The following IL31RA variants were observed in gnomAD, a reference collection of about 807,000 sequenced individuals.
IL31RA encodes interleukin-31 receptor subunit alpha.
Under a neutral mutation model 83.7 loss-of-function variants are expected in IL31RA, and 66 were observed. The ratio of observed to expected loss-of-function variants is 0.79; its 90% confidence interval spans 0.65 to 0.97. The LOEUF (loss-of-function observed/expected upper bound fraction) is 0.97, where lower values mean the gene tolerates loss of function less well. Ranked by LOEUF, IL31RA falls within the 50% of genes least tolerant of loss-of-function variation. IL31RA has a pLI of 0.00. For synonymous variants in IL31RA, 325 were observed against 329.0 expected (o/e 0.99, Z 0.13); for missense variants, 798 against 919.4 (o/e 0.87, Z 1.71).
At chr5:55,902,023 AG>A (rs1748851646) in intron 8 of IL31RA, among the ~76,000 whole-genome samples, 1 of 152,214 alleles carries the variant, frequency 6.6e-6, no homozygotes, top group African/African-American at 2.4e-5. Context: ...AAATTCACTT[AG>A]GTTTTTTTTG....
At chr5:55,860,707 T>C (rs1399115023) in intron 2 of IL31RA, among the ~76,000 whole-genome samples, 2 of 152,226 alleles carry the variant, frequency 1.3e-5, no homozygotes, top group Non-Finnish European at 2.9e-5. Context: ...GATCCATTTG[T>C]TTGATTATAT....
rs745404194 is a variant in IL31RA at position 55,907,460 on chromosome 5, G to A, written c.1354G>A (p.Val452Ile). Reference protein sequence around the residue: ...YSIQAYAKEGVPSEGPETKVE... With the variant: ...YSIQAYAKEGIPSEGPETKVE... ...CATCCAGGCTTATGCCAAAGAAGGC[G>A]GTATGAATGGACAAGACCCTGTGGG... Residue 452 changes from valine to isoleucine, a missense_variant and splice_region_variant, in exon 10 of 15, where the codon GTT (valine) becomes ATT (isoleucine). Physicochemically the swap from Val to Ile is conservative, Grantham distance 29 (BLOSUM62 3). Transcript: ENST00000652347. The A allele has an allele frequency of 2.8e-5, 44 of 1,594,102 alleles. No individual in the cohort carries two copies. Among genetic ancestry groups the A allele is most frequent in the Middle Eastern group, 1.7e-4 (1 of 6,046 alleles).
chr5:55,863,971 AG>A (rs1420115628), intron 2 of IL31RA, among the ~76,000 whole-genome samples: 5 of 152,178 alleles, frequency 3.3e-5, no homozygotes, highest in Non-Finnish European at 7.3e-5. Context: ...TAGATCCACA[AG>A]GATCTATTCC....
At position 55,916,857 on chromosome 5, in the gene IL31RA, C is replaced by G. The variant is rs367580370; in HGVS notation, c.2032C>G (p.Pro678Ala). The G allele has an allele frequency of 2.5e-6, 4 of 1,614,002 alleles. No individual in the cohort carries two copies. The highest frequency in any genetic ancestry group is 1.3e-5 in the African/African-American group (1 of 74,894). Residue 678 changes from proline (P) to alanine (A), a missense_variant, in exon 15 of 15, where the codon CCT (proline) becomes GCT (alanine). Pro to Ala is a conservative substitution (Grantham distance 27, BLOSUM62 -1). Coordinates refer to ENST00000652347, the MANE Select transcript of IL31RA (RefSeq NM_139017.7). Reference sequence around the variant, plus strand: ...TGGGTATGTGACCTGCCCCTTCAGGCCTGATTGTCCCCTGGGGAAAAGTTT... The same window carrying G: ...TGGGTATGTGACCTGCCCCTTCAGGGCTGATTGTCCCCTGGGGAAAAGTTT... ...KNGYVTCPFR[P>A]DCPLGKSFEE...
At chr5:55,865,160 G>A (rs374369479) in intron 2 of IL31RA, among the ~76,000 whole-genome samples, 1 of 152,342 alleles carries the variant, frequency 6.6e-6, no homozygotes, top group East Asian at 1.9e-4. Flanking sequence ...TGTGTTAATG[G>A]TGTAGCTTTC....
intron 6 of IL31RA, among the ~76,000 whole-genome samples, chr5:55,895,071 C>T (rs1748247708): frequency 1.3e-5 from 2 of 152,212 alleles, no homozygotes; most frequent in Non-Finnish European, 2.9e-5. Context: ...TCCCTGAAGA[C>T]AATCTCTTAC....
chr5:55,844,429 A>G, the IL31RA span, among the ~76,000 whole-genome samples: 4 of 152,210 alleles, frequency 2.6e-5, no homozygotes, highest in Non-Finnish European at 5.9e-5. Context: ...TGAAGGTAAA[A>G]GAAACACTTC....
At chr5:55,858,352 G>C (rs567100476) in intron 1 of IL31RA, among the ~76,000 whole-genome samples, 1 of 152,262 alleles carries the variant, frequency 6.6e-6, no homozygotes, top group Admixed American at 6.5e-5. Flanking sequence ...AGAAGATTAA[G>C]ACAACATTCT....
At position 55,918,966 on chromosome 5, in the gene IL31RA, C is replaced by T. The variant is rs989163036; in HGVS notation, c.*1846C>T. On this transcript the variant is annotated 3_prime_UTR_variant, in exon 15 of 15. Transcript: ENST00000652347. ...AGTCCAGGTGTAGGAAGGGACCAAA[C>T]AAAAGAGATGCGTCCAATTCTCATG... Among the ~76,000 whole-genome samples the T allele has an allele frequency of 1.3e-5, 2 of 152,172 alleles. No individual in the cohort carries two copies. The highest frequency in any genetic ancestry group is 2.4e-5 in the African/African-American group (1 of 41,460).
rs1013196531 is a variant in IL31RA, at chr5:55,920,522, C to T, written c.*3402C>T. ...CAGCCATGCCCATCGTTGACCTATT[C>T]CCTATGGCGGCTTGCCCCTACAAAG... On this transcript the variant is annotated 3_prime_UTR_variant, in exon 15 of 15. Transcript: ENST00000652347. Among the ~76,000 whole-genome samples, 6 of 152,252 alleles carry T rather than the reference C, an allele frequency of 3.9e-5. No homozygotes were observed. Among genetic ancestry groups the T allele is most frequent in the Non-Finnish European group, 7.3e-5 (5 of 68,046 alleles).
intron 8 of IL31RA, among the ~76,000 whole-genome samples, chr5:55,905,896 A>G (rs1240324117): frequency 2.1e-4 from 32 of 151,840 alleles, no homozygotes; most frequent in Non-Finnish European, 1.2e-4. Context: ...TAGGTAAAGG[A>G]AGATTAAGAA....
chr5:55,842,537 T>C, the IL31RA span, among the ~76,000 whole-genome samples: 1 of 152,240 alleles, frequency 6.6e-6, no homozygotes, highest in Admixed American at 6.5e-5. Context: ...TCAATTAACA[T>C]GTTCTGCTGA....
chr5:55,847,242 TAA>T (rs57359897), upstream of IL31RA, among the ~76,000 whole-genome samples: 1,527 of 115,056 alleles, frequency 0.013, 53 homozygotes, highest in African/African-American at 0.051. Flanking sequence ...AAAAAAAAAA[TAA>T]AAATAAATAA....
At chr5:55,886,069 G>C (rs542263560) in intron 5 of IL31RA, among the ~76,000 whole-genome samples, 1 of 152,008 alleles carries the variant, frequency 6.6e-6, no homozygotes, top group South Asian at 2.1e-4. Context: ...GAGGGCAACG[G>C]GTATAAACTA....
rs1243890841 is a variant in IL31RA at position 55,859,448 on chromosome 5, G to T, written c.64-61G>T. On this transcript the variant is annotated intron_variant, in intron 1 of 14. Coordinates refer to ENST00000652347, the MANE Select transcript of IL31RA (RefSeq NM_139017.7). ...AATCCCCAGAATCTATTTGCCATTG[G>T]AAATAGAGCTTTTGAAAAGAGATAT... 19 of 1,194,516 alleles carry T rather than the reference G, an allele frequency of 1.6e-5. No individual in the cohort carries two copies. The South Asian group carries it at 2.1e-4, about 13-fold the overall frequency. The allele number at this position is 1,194,516 out of a possible 1,614,324, so 74.0% of individuals were successfully genotyped here.
intron 9 of IL31RA, 113 bp downstream of exon 9, chr5:55,906,401 G>T (rs911733188): frequency 3.9e-6 from 4 of 1,013,754 alleles, no homozygotes; most frequent in Non-Finnish European, 6.1e-6. Context: ...AATAGCATTT[G>T]TCAAGCTTGT....
At position 55,901,587 on chromosome 5, in the gene IL31RA, A is replaced by G. The variant is rs1408170033; in HGVS notation, c.1069+1455A>G. ...TCTGGTGCTAATTATTACTATTGTC[A>G]TTATTATTATTATTATTATTATTAT... On this transcript the variant is annotated intron_variant, in intron 8 of 14. Coordinates refer to ENST00000652347, the MANE Select transcript of IL31RA (RefSeq NM_139017.7). 6.2e-3 allele frequency among the ~76,000 whole-genome samples: 10 copies of G among 1,614 alleles called. No homozygotes were observed. In the East Asian group the frequency reaches 0.07, roughly 11 times the overall value. 1.1% of individuals were successfully genotyped at this position (1,614 alleles called of 152,430 possible). A position where few individuals can be genotyped will look rare whatever the true frequency, so the allele number is the denominator to read the frequency against.
upstream of IL31RA, chr5:55,851,257 T>C (rs1745050762): frequency 6.8e-6 from 3 of 442,350 alleles, no homozygotes; most frequent in Non-Finnish European, 1.3e-5. Flanking sequence ...TTATTTAATA[T>C]ACATTGTTGA....
chr5:55,905,108 C>T (rs1310638409), intron 8 of IL31RA, among the ~76,000 whole-genome samples: 4 of 147,446 alleles, frequency 2.7e-5, no homozygotes, highest in South Asian at 2.1e-4. Flanking sequence ...GGCTGAGGCA[C>T]AAGAATCACT....
Sources: gnomAD v4.1 joint callset for allele counts (sites outside exome capture counted in the v4.1 genomes callset) on GRCh38, gnomAD v4.1.1 for gene constraint, MANE v1.5 for transcripts, NCBI Gene and HGNC (gene_info 2026-07-23, HGNC 2026-07-21) for gene names.